VEGFC: variants seen among roughly 807,000 people sequenced by gnomAD.
VEGFC encodes the protein vascular endothelial growth factor C.
In VEGFC, 12 loss-of-function variants were observed where a neutral mutation model predicts 46.1. The ratio of observed to expected loss-of-function variants is 0.26; its 90% confidence interval spans 0.17 to 0.42. The LOEUF is 0.42. Ranked by LOEUF, VEGFC falls within the 10% of genes least tolerant of loss-of-function variation. The pLI, the probability that VEGFC is intolerant of heterozygous loss-of-function variation, is 1.00. For missense variants in VEGFC, 488 were observed against 529.4 expected (o/e 0.92, Z 0.77); for synonymous variants, 232 against 195.5 (o/e 1.19, Z -1.56).
chr4:176,784,123 G>T (rs1420218289), intron 1 of VEGFC, among the ~76,000 whole-genome samples: 3 of 146,902 alleles, frequency 2.0e-5, no homozygotes, highest in Non-Finnish European at 4.5e-5. Flanking sequence ...GGAGTGCAGT[G>T]GGGTGATCTC....
chr4:176,695,594 A>C (rs1734297179), intron 4 of VEGFC, among the ~76,000 whole-genome samples: 1 of 152,154 alleles, frequency 6.6e-6, no homozygotes, highest in East Asian at 1.9e-4. Flanking sequence ...ATTCCAATCA[A>C]TAGAAAAAGA....
intron 1 of VEGFC, among the ~76,000 whole-genome samples, chr4:176,774,773 A>C (rs188552604): frequency 2.3e-4 from 35 of 151,044 alleles, no homozygotes; most frequent in South Asian, 1.3e-3. Context: ...ACTAACCTGC[A>C]CATTGTGCAC....
intron 1 of VEGFC, among the ~76,000 whole-genome samples, chr4:176,767,772 T>C (rs1735652404): frequency 1.3e-5 from 2 of 152,172 alleles, no homozygotes; most frequent in Admixed American, 6.5e-5. Flanking sequence ...GAGAGGAATA[T>C]AATGTGACTT....
At chr4:176,743,486 T>A (rs1735210211) in intron 1 of VEGFC, among the ~76,000 whole-genome samples, 1 of 151,578 alleles carries the variant, frequency 6.6e-6, no homozygotes, top group Admixed American at 6.6e-5. Context: ...AATTATGTAG[T>A]CACCGGATAT....
chr4:176,729,845 T>A, intron 1 of VEGFC, 99 bp from the exon 2 acceptor site: 1 of 719,996 alleles, frequency 1.4e-6, no homozygotes, highest in East Asian at 3.2e-5. Context: ...CTATGCTCCG[T>A]TCCCTAACAC....
chr4:176,708,591 A>G (rs1309971437), intron 4 of VEGFC, among the ~76,000 whole-genome samples: 1 of 152,130 alleles, frequency 6.6e-6, no homozygotes, highest in Non-Finnish European at 1.5e-5. Flanking sequence ...TTTAAATGGT[A>G]ATTTGTTTTA....
intron 1 of VEGFC, among the ~76,000 whole-genome samples, chr4:176,785,539 C>T (rs1296756204): frequency 6.6e-6 from 1 of 152,034 alleles, no homozygotes; most frequent in African/African-American, 2.4e-5. Context: ...GGTAGTTTAC[C>T]CACCTCCTCA....
intron 4 of VEGFC, among the ~76,000 whole-genome samples, chr4:176,696,957 T>C (rs1436363902): frequency 2.0e-5 from 3 of 150,916 alleles, no homozygotes; most frequent in Non-Finnish European, 4.4e-5. Context: ...CTGGATCCCT[T>C]CCTTACACCT....
intron 1 of VEGFC, among the ~76,000 whole-genome samples, chr4:176,768,510 A>ATATATATT (rs1462880083): frequency 6.9e-6 from 1 of 145,378 alleles, no homozygotes; most frequent in African/African-American, 2.5e-5. Context: ...ATATATATAT[A>ATATATATT]TATTTCAAAT....
intron 1 of VEGFC, among the ~76,000 whole-genome samples, chr4:176,776,943 T>C (rs1735823871): frequency 6.6e-6 from 1 of 152,220 alleles, no homozygotes; most frequent in South Asian, 2.1e-4. Flanking sequence ...GTAAGTGTTG[T>C]ATTGTTCTAA....
intron 1 of VEGFC, among the ~76,000 whole-genome samples, chr4:176,791,299 T>C (rs1736085305): frequency 6.6e-6 from 1 of 152,124 alleles, no homozygotes; most frequent in African/African-American, 2.4e-5. Context: ...GCATACTCTA[T>C]ATGGTTATGG....
chr4:176,781,593 A>G (rs1222714971), intron 1 of VEGFC, among the ~76,000 whole-genome samples: 6 of 152,234 alleles, frequency 3.9e-5, no homozygotes, highest in South Asian at 2.1e-4. Flanking sequence ...TAGGAATTCA[A>G]TCACAGGATT....
chr4:176,758,726 C>T (rs1172714424), intron 1 of VEGFC, among the ~76,000 whole-genome samples: 1 of 152,080 alleles, frequency 6.6e-6, no homozygotes, highest in Non-Finnish European at 1.5e-5. Flanking sequence ...GATACTTTTC[C>T]ATGATGTCTA....
rs776169790 is a variant in VEGFC at position 176,792,296 on chromosome 4, A to G, written c.16T>C (p.Phe6Leu). MHLLG[F>L]FSVACSLLAA... is the part of the protein sequence containing the mutation. ...AGCAGAGAACACGCCACAGAGAAGA[A>G]GCCCAGCAAGTGCATGGTGGAAGGA... The change falls in exon 1 of 7, where the codon TTC becomes CTC. Residue 6 changes from phenylalanine to leucine, a missense_variant. Transcript: ENST00000618562. The surrounding 1 kb of genome is among the most constrained non-coding windows in gnomAD (Gnocchi z 6.3). 18 of 1,508,308 alleles carry G rather than the reference A, an allele frequency of 1.2e-5. No individual in the cohort carries two copies. Among genetic ancestry groups the G allele is most frequent in the Non-Finnish European group, 1.6e-5 (18 of 1,128,730 alleles). The allele number at this position is 1,508,308 out of a possible 1,614,324, so 93.4% of individuals were successfully genotyped here. A position where few individuals can be genotyped will look rare whatever the true frequency, so the allele number is the denominator to read the frequency against.
chr4:176,725,126 A>T (rs992062343), intron 3 of VEGFC, among the ~76,000 whole-genome samples: 2 of 152,170 alleles, frequency 1.3e-5, no homozygotes, highest in Non-Finnish European at 2.9e-5. Context: ...TATCCCAATT[A>T]CCCTGATTTG....
chr4:176,730,919 T>G (rs866435999), intron 1 of VEGFC, among the ~76,000 whole-genome samples: 4 of 152,206 alleles, frequency 2.6e-5, no homozygotes, highest in African/African-American at 7.2e-5. Context: ...TAACAGAGCC[T>G]CCTAAAAATA....
At chr4:176,734,132 A>G (rs1735016410) in intron 1 of VEGFC, among the ~76,000 whole-genome samples, 1 of 151,822 alleles carries the variant, frequency 6.6e-6, no homozygotes, top group Admixed American at 6.6e-5. Flanking sequence ...GTAACTTTGA[A>G]TAAGTTACTA....
chr4:176,774,417 T>A (rs4539988), intron 1 of VEGFC, among the ~76,000 whole-genome samples: 125,689 of 152,130 alleles, frequency 0.83, 53,502 homozygotes, highest in East Asian at 1. Context: ...GCCAAATGAG[T>A]GAATCACTTC....
chr4:176,737,330 AATAT>A (rs1735073686), intron 1 of VEGFC, among the ~76,000 whole-genome samples: 1 of 147,024 alleles, frequency 6.8e-6, no homozygotes, highest in African/African-American at 2.5e-5. Context: ...ATATATTTAT[AATAT>A]ATAAATACAG....
Sources: allele counts gnomAD v4.1 joint callset (sites outside exome capture counted in the v4.1 genomes callset), GRCh38; gene constraint gnomAD v4.1.1; non-coding constraint Gnocchi (gnomAD v3.1); transcripts MANE v1.5; gene names NCBI Gene and HGNC (gene_info 2026-07-23, HGNC 2026-07-21).